FREM2: variants seen among roughly 807,000 people sequenced by gnomAD.
FREM2 encodes the protein FRAS1 related extracellular matrix 2.
In FREM2, 119 loss-of-function variants were observed where a neutral mutation model predicts 219.9. That is an observed-to-expected ratio of 0.54 (90% CI 0.47 to 0.63). The LOEUF (loss-of-function observed/expected upper bound fraction) is 0.63, where lower values mean the gene tolerates loss of function less well. Ranked by LOEUF, FREM2 falls within the 30% of genes least tolerant of loss-of-function variation. The probability of loss-of-function intolerance (pLI) is 0.00; values close to 1 mark genes in which losing one functional copy is unlikely to be tolerated. For synonymous variants in FREM2, 1,562 were observed against 1,522.8 expected (o/e 1.03, Z -0.60); for missense variants, 4,030 against 3,993.6 (o/e 1.01, Z -0.25).
intron 6 of FREM2, among the ~76,000 whole-genome samples, chr13:38,785,702 T>C (rs1176376058): frequency 1.3e-5 from 2 of 152,220 alleles, no homozygotes; most frequent in Non-Finnish European, 2.9e-5. Context: ...TAATGTGTCT[T>C]GTGAGGTTAT....
intron 11 of FREM2, among the ~76,000 whole-genome samples, chr13:38,852,850 A>G (rs1189910247): frequency 6.6e-6 from 1 of 151,878 alleles, no homozygotes; most frequent in Non-Finnish European, 1.5e-5. Flanking sequence ...GACTACAGGC[A>G]TGCACCACCA....
chr13:38,842,537 C>G (rs1357946992), intron 6 of FREM2, among the ~76,000 whole-genome samples: 1 of 152,128 alleles, frequency 6.6e-6, no homozygotes, highest in Non-Finnish European at 1.5e-5. Flanking sequence ...GAAACAATTC[C>G]TTTGTATTAT....
At position 38,878,944 on chromosome 13, in the gene FREM2, T is replaced by C; in HGVS notation, c.8973T>C (p.Asp2991=). ...AILLVNQPGS[D]GFKVDSTPLF... ...TCTTAGTGAATCAGCCTGGATCTGATGGATTTAAAGTCGACTCAACACCAC... is the reference window on the plus strand; with the variant it reads ...TCTTAGTGAATCAGCCTGGATCTGACGGATTTAAAGTCGACTCAACACCAC... Residue 2991 remains aspartate, a synonymous_variant, in exon 23 of 24, where the codon GAT becomes GAC. Coordinates refer to ENST00000280481, the MANE Select transcript of FREM2 (RefSeq NM_207361.6). The C allele has an allele frequency of 6.2e-7, 1 of 1,614,158 alleles. No homozygotes were observed. Among genetic ancestry groups the C allele is most frequent in the African/African-American group, 1.3e-5 (1 of 75,048 alleles).
chr13:38,817,064 A>G (rs538795982), intron 6 of FREM2, among the ~76,000 whole-genome samples: 1 of 152,248 alleles, frequency 6.6e-6, no homozygotes, highest in Non-Finnish European at 1.5e-5. Flanking sequence ...GAAATGTAAA[A>G]TAATACAAAT....
intron 6 of FREM2, among the ~76,000 whole-genome samples, chr13:38,835,850 C>G (rs867876069): frequency 6.6e-6 from 1 of 152,152 alleles, no homozygotes; most frequent in African/African-American, 2.4e-5. Context: ...TGGGCTGAGA[C>G]GATGGAGTTT....
rs148233958 is a variant in FREM2 at position 38,769,454 on chromosome 13, A to G, written c.5411-124A>G. ...AGACCCATTCCCAATTTTCCATTTCATGAGGTCAAAGCAGGATCAACTTTG... is the reference window on the plus strand; with the variant it reads ...AGACCCATTCCCAATTTTCCATTTCGTGAGGTCAAAGCAGGATCAACTTTG... On this transcript the variant is annotated intron_variant, in intron 3 of 23. Transcript: ENST00000280481. 2.3e-5 allele frequency: 19 copies of G among 822,908 alleles called. No homozygotes were observed. In the African/African-American group the frequency reaches 3.2e-4, roughly 14 times the overall value. 51.0% of individuals were successfully genotyped at this position (822,908 alleles called of 1,614,324 possible). A position where few individuals can be genotyped will look rare whatever the true frequency, so the allele number is the denominator to read the frequency against.
At chr13:38,778,836 T>C (rs2137824821) in intron 4 of FREM2, among the ~76,000 whole-genome samples, 1 of 152,254 alleles carries the variant, frequency 6.6e-6, no homozygotes, top group South Asian at 2.1e-4. Flanking sequence ...CTTTCTGTAA[T>C]ATTTCATACT....
intron 2 of FREM2, among the ~76,000 whole-genome samples, chr13:38,754,299 A>C (rs971859372): frequency 6.6e-6 from 1 of 152,126 alleles, no homozygotes; most frequent in African/African-American, 2.4e-5. Flanking sequence ...GGGCCTCACT[A>C]TTCACTAGAA....
chr13:38,766,087 T>TAA (rs1873423548), intron 3 of FREM2, among the ~76,000 whole-genome samples: 14 of 152,228 alleles, frequency 9.2e-5, no homozygotes, highest in Admixed American at 9.2e-4. Flanking sequence ...TAGGTTTATC[T>TAA]ATTTTTTACC....
At chr13:38,780,056 C>T (rs1004612422) in intron 4 of FREM2, among the ~76,000 whole-genome samples, 8 of 152,138 alleles carry the variant, frequency 5.3e-5, no homozygotes, top group Non-Finnish European at 1.0e-4. Context: ...TATTTTGACT[C>T]GTGGCTCTAC....
intron 15 of FREM2, 51 bp from the exon 16 acceptor site, chr13:38,864,224 A>G: frequency 6.9e-7 from 1 of 1,446,876 alleles, no homozygotes; most frequent in Non-Finnish European, 9.7e-7. Context: ...AAAGTGTTCA[A>G]AATTCTTGGC....
chr13:38,733,105 A>C (rs1287129306), intron 2 of FREM2, among the ~76,000 whole-genome samples: 1 of 152,216 alleles, frequency 6.6e-6, no homozygotes, highest in Non-Finnish European at 1.5e-5. Flanking sequence ...TGCTAGAGAC[A>C]TCAAGTAAAG....
intron 2 of FREM2, among the ~76,000 whole-genome samples, chr13:38,705,894 T>A (rs1870519977): frequency 6.6e-6 from 1 of 152,198 alleles, no homozygotes; most frequent in Non-Finnish European, 1.5e-5. Flanking sequence ...GACTGTTCAT[T>A]TGGTGTTGGT....
rs569855008 is a variant in FREM2, at chr13:38,854,064, T to C, written c.6926-2062T>C. Among the ~76,000 whole-genome samples the C allele has an allele frequency of 1.6e-4, 24 of 151,572 alleles. No individual in the cohort carries two copies. In the South Asian group the frequency reaches 4.8e-3, roughly 30 times the overall value. ...ATTAAAAATTTAAGGAATAGTTTTCTGAAACATTTTCTAATTTCTCCTTTT... is the reference window on the plus strand; with the variant it reads ...ATTAAAAATTTAAGGAATAGTTTTCCGAAACATTTTCTAATTTCTCCTTTT... On this transcript the variant is annotated intron_variant, in intron 11 of 23. Coordinates refer to ENST00000280481, the MANE Select transcript of FREM2 (RefSeq NM_207361.6).
rs1207850729 is a variant in FREM2, at chr13:38,742,070, C to T, written c.5264-22234C>T. 3.9e-5 allele frequency among the ~76,000 whole-genome samples: 6 copies of T among 152,128 alleles called. No individual in the cohort carries two copies. In the East Asian group the frequency reaches 5.8e-4, roughly 15 times the overall value. Reference sequence around the variant, plus strand: ...CATCTAAATTACAATAATAATTAGACGGTCATTTGCCCATCTGTCAACATT... The same window carrying T: ...CATCTAAATTACAATAATAATTAGATGGTCATTTGCCCATCTGTCAACATT... On this transcript the variant is annotated intron_variant, in intron 2 of 23. Coordinates refer to ENST00000280481, the MANE Select transcript of FREM2 (RefSeq NM_207361.6).
At chr13:38,826,853 A>G (rs768968862) in intron 6 of FREM2, among the ~76,000 whole-genome samples, 2 of 152,116 alleles carry the variant, frequency 1.3e-5, no homozygotes, top group African/African-American at 4.8e-5. Flanking sequence ...TTTTAAAGGT[A>G]TGGAGAGTTT....
At chr13:38,844,571 T>C (rs1877080502) in intron 6 of FREM2, among the ~76,000 whole-genome samples, 2 of 152,228 alleles carry the variant, frequency 1.3e-5, no homozygotes, top group Admixed American at 1.3e-4. Context: ...TTAGCAGTTG[T>C]ATATTCACTC....
Position 38,740,718 on chromosome 13 carries a change from A to G in FREM2, c.5264-23586A>G, listed in dbSNP as rs73459895. Among the ~76,000 whole-genome samples, 507 of 152,330 alleles carry G rather than the reference A, an allele frequency of 3.3e-3. 7 individuals are homozygous for G. Among genetic ancestry groups the G allele is most frequent in the African/African-American group, 0.012 (485 of 41,572 alleles). ...ATCATAATTAAAATTTTAATTGCAAATAGAAACACAGTGTATGTTATCACT... is the reference window on the plus strand; with the variant it reads ...ATCATAATTAAAATTTTAATTGCAAGTAGAAACACAGTGTATGTTATCACT... On this transcript the variant is annotated intron_variant, in intron 2 of 23. Transcript: ENST00000280481.
intron 4 of FREM2, among the ~76,000 whole-genome samples, chr13:38,770,081 C>T (rs1211384988): frequency 6.8e-6 from 1 of 147,146 alleles, no homozygotes; most frequent in Non-Finnish European, 1.5e-5. Flanking sequence ...TATATATAAA[C>T]ATAATTATAT....
Sources: gnomAD v4.1 joint callset for allele counts (sites outside exome capture counted in the v4.1 genomes callset) on GRCh38, gnomAD v4.1.1 for gene constraint, MANE v1.5 for transcripts, NCBI Gene and HGNC (gene_info 2026-07-23, HGNC 2026-07-21) for gene names.